VHL: variants seen among roughly 807,000 people sequenced by gnomAD.
VHL encodes the protein von Hippel-Lindau tumor suppressor.
In VHL, 10 loss-of-function variants were observed where a neutral mutation model predicts 19.2. The ratio of observed to expected loss-of-function variants is 0.52; its 90% CI spans 0.32 to 0.89. VHL has a LOEUF of 0.89. Ranked by LOEUF, VHL falls within the 40% of genes least tolerant of loss-of-function variation. The pLI is 0.03. For synonymous variants in VHL, 167 were observed against 129.5 expected (o/e 1.29, Z -1.97); for missense variants, 328 against 292.7 (o/e 1.12, Z -0.88).
chr3:10,149,895 A>G lies in VHL; in HGVS notation c.572A>G (p.His191Arg), dbSNP rs370050374. ...VRSLYEDLED[H>R]PNVQKDLERL... ...TCGCTCTACGAAGATCTGGAAGACC[A>G]CCCAAATGTGCAGAAAGACCTGGAG... Residue 191 changes from histidine to arginine, a missense_variant, in exon 3 of 3, where the codon CAC becomes CGC. Transcript: ENST00000256474. 17 of 1,614,194 alleles carry G rather than the reference A, an allele frequency of 1.1e-5. No individual in the cohort carries two copies. In the Admixed American group the frequency reaches 2.8e-4, roughly 27 times the overall value.
In VHL at chr3:10,150,367, G is replaced by A; in HGVS notation, c.*402G>A. 1 of 1,222,976 alleles carries A rather than the reference G, an allele frequency of 8.2e-7. No individual in the cohort carries two copies. Among genetic ancestry groups the A allele is most frequent in the East Asian group, 3.8e-5 (1 of 26,500 alleles). The allele number at this position is 1,222,976 out of a possible 1,614,324, so 75.8% of individuals were successfully genotyped here. On this transcript the variant is annotated 3_prime_UTR_variant, in exon 3 of 3. Coordinates refer to ENST00000256474, the MANE Select transcript of VHL (RefSeq NM_000551.4). Reference sequence around the variant, plus strand: ...ATCCATTCTACATCCGTAGCGGTTGGTGACTTGTCTGCCTCCTGCTTTGGG... The same window carrying A: ...ATCCATTCTACATCCGTAGCGGTTGATGACTTGTCTGCCTCCTGCTTTGGG...
intron 1 of VHL, among the ~76,000 whole-genome samples, chr3:10,144,837 G>T (rs1207625332): frequency 2.6e-5 from 4 of 152,008 alleles, no homozygotes; most frequent in African/African-American, 9.7e-5. Flanking sequence ...GTATACATGT[G>T]CCATGTTGGT....
intron 2 of VHL, among the ~76,000 whole-genome samples, chr3:10,148,122 C>T (rs1350827252): frequency 6.6e-6 from 1 of 151,654 alleles, no homozygotes; most frequent in Middle Eastern, 3.4e-3. Flanking sequence ...AACTCAAAAA[C>T]CCCCCAAATA....
rs1192379474 is a variant in VHL, at chr3:10,141,838, C to A, written c.-10C>A. 1 of 1,536,230 alleles carries A rather than the reference C, an allele frequency of 6.5e-7. No homozygotes were observed. The highest frequency in any genetic ancestry group is 1.2e-5 in the South Asian group (1 of 82,750). On this transcript the variant is annotated 5_prime_UTR_variant, in exon 1 of 3. Coordinates refer to ENST00000256474, the MANE Select transcript of VHL (RefSeq NM_000551.4). ...GGCGTCCGGCCCGGGTGGTCTGGAT[C>A]GCGGAGGGAATGCCCCGGAGGGCGG... is the stretch of plus-strand genomic sequence containing the variant.
chr3:10,143,319 G>A (rs1252108129), intron 1 of VHL, among the ~76,000 whole-genome samples: 2 of 151,896 alleles, frequency 1.3e-5, no homozygotes, highest in African/African-American at 4.8e-5. Context: ...GTAGAGACGG[G>A]GGTTTCGTCA....
At chr3:10,146,826 T>C (rs554826167) in intron 2 of VHL, among the ~76,000 whole-genome samples, 190 bp downstream of exon 2, 1 of 152,312 alleles carries the variant, frequency 6.6e-6, no homozygotes, top group African/African-American at 2.4e-5. Flanking sequence ...AAAGGTGTTA[T>C]GGTGTCTCAA....
chr3:10,142,090 G>A lies in VHL; in HGVS notation c.243G>A (p.Pro81=), dbSNP rs758034030. The change falls in exon 1 of 3, where the codon CCG becomes CCA. Residue 81 remains proline, a synonymous_variant. Transcript: ENST00000256474. ...PSQVIFCNRS[P]RVVLPVWLNF... is the part of the protein sequence containing the mutation. Reference sequence around the variant, plus strand: ...AGGTCATCTTCTGCAATCGCAGTCCGCGCGTCGTGCTGCCCGTATGGCTCA... The same window carrying A: ...AGGTCATCTTCTGCAATCGCAGTCCACGCGTCGTGCTGCCCGTATGGCTCA... The A allele has an allele frequency of 2.5e-6, 4 of 1,604,786 alleles. No homozygotes were observed. The highest frequency in any genetic ancestry group is 2.5e-6 in the Non-Finnish European group (3 of 1,179,662).
Position 10,151,718 on chromosome 3 carries a change from G to T in VHL, c.*1753G>T, listed in dbSNP as rs954509014. The T allele has an allele frequency of 4.8e-6, 1 of 207,528 alleles. No homozygotes were observed. The highest frequency in any genetic ancestry group is 9.8e-6 in the Non-Finnish European group (1 of 102,036). The allele number at this position is 207,528 out of a possible 1,614,324, so 12.9% of individuals were successfully genotyped here. Reference sequence around the variant, plus strand: ...AATTAATGTTTGTGGGTATTTCTTGGCATGCATCTTTAATTCCTTATCCTA... The same window carrying T: ...AATTAATGTTTGTGGGTATTTCTTGTCATGCATCTTTAATTCCTTATCCTA... On this transcript the variant is annotated 3_prime_UTR_variant, in exon 3 of 3. Transcript: ENST00000256474.
chr3:10,149,905 G>A lies in VHL; in HGVS notation c.582G>A (p.Val194=), dbSNP rs1696363804. The stretch of plus-strand genomic sequence containing the variant: ...AAGATCTGGAAGACCACCCAAATGT[G>A]CAGAAAGACCTGGAGCGGCTGACAC... ...LYEDLEDHPN[V]QKDLERLTQE... is the part of the protein sequence containing the mutation. Residue 194 remains valine, a synonymous_variant, in exon 3 of 3, where the codon GTG becomes GTA. Coordinates refer to ENST00000256474, the MANE Select transcript of VHL (RefSeq NM_000551.4). The A allele has an allele frequency of 6.2e-7, 1 of 1,614,104 alleles. No homozygotes were observed. Among genetic ancestry groups the A allele is most frequent in the African/African-American group, 1.3e-5 (1 of 74,944 alleles).
In VHL at chr3:10,146,706, T is replaced by C. The variant is rs1420526180; in HGVS notation, c.463+70T>C. 9 of 1,601,010 alleles carry C rather than the reference T, an allele frequency of 5.6e-6. No homozygotes were observed. In the East Asian group the frequency reaches 1.8e-4, roughly 32 times the overall value. On this transcript the variant is annotated intron_variant, in intron 2 of 2. Transcript: ENST00000256474. ...GTACAGGATAGACCACTTGAAAAAT[T>C]AAGCCCAGTTCTCAATTTTTGCCTG...
intron 1 of VHL, chr3:10,142,617 T>TA (rs1378475897): frequency 2.0e-5 from 4 of 198,530 alleles, no homozygotes; most frequent in African/African-American, 9.5e-5. Context: ...GTGCTGGGCT[T>TA]ATGGGCATGA....
At position 10,141,854 on chromosome 3, in the gene VHL, C is replaced by A; in HGVS notation, c.7C>A (p.Arg3=). 6.5e-7 allele frequency: 1 copy of A among 1,535,372 alleles called. No individual in the cohort carries two copies. Among genetic ancestry groups the A allele is most frequent in the Non-Finnish European group, 8.8e-7 (1 of 1,139,648 alleles). ...GGTCTGGATCGCGGAGGGAATGCCC[C>A]GGAGGGCGGAGAACTGGGACGAGGC... MP[R]RAENWDEAEV... Residue 3 remains arginine (R), a synonymous_variant, in exon 1 of 3, where the codon CGG becomes AGG. Coordinates refer to ENST00000256474, the MANE Select transcript of VHL (RefSeq NM_000551.4).
At chr3:10,149,527 G>A (rs956774124) in intron 2 of VHL, among the ~76,000 whole-genome samples, 16 of 152,138 alleles carry the variant, frequency 1.1e-4, no homozygotes, top group Non-Finnish European at 1.9e-4. Flanking sequence ...TGCCAGTGTC[G>A]CTTCATCCAC....
rs558788270 is a variant in VHL at position 10,141,819 on chromosome 3, C to A, written c.-29C>A. The A allele has an allele frequency of 7.8e-6, 12 of 1,535,380 alleles. No individual in the cohort carries two copies. The highest frequency in any genetic ancestry group is 4.6e-4 in the Middle Eastern group (2 of 4,316). On this transcript the variant is annotated 5_prime_UTR_variant, in exon 1 of 3. Transcript: ENST00000256474. Reference sequence around the variant, plus strand: ...TCCGACCCGCGGATCCCGCGGCGTCCGGCCCGGGTGGTCTGGATCGCGGAG... The same window carrying A: ...TCCGACCCGCGGATCCCGCGGCGTCAGGCCCGGGTGGTCTGGATCGCGGAG...
chr3:10,150,446 A>C lies in VHL; in HGVS notation c.*481A>C. 1.1e-6 allele frequency: 1 copy of C among 895,252 alleles called. No homozygotes were observed. The highest frequency in any genetic ancestry group is 1.7e-5 in the African/African-American group (1 of 58,548). 55.5% of individuals were successfully genotyped at this position (895,252 alleles called of 1,614,324 possible). A position where few individuals can be genotyped will look rare whatever the true frequency, so the allele number is the denominator to read the frequency against. On this transcript the variant is annotated 3_prime_UTR_variant, in exon 3 of 3. Transcript: ENST00000256474. ...AAGTCTTTCTCCTCTTTGAGACCCCAGTGCCTGCACATCATGAGCCTTCAG... is the reference window on the plus strand; with the variant it reads ...AAGTCTTTCTCCTCTTTGAGACCCCCGTGCCTGCACATCATGAGCCTTCAG...
At chr3:10,143,414 C>G (rs183378634) in intron 1 of VHL, among the ~76,000 whole-genome samples, 5 of 152,080 alleles carry the variant, frequency 3.3e-5, no homozygotes, top group Admixed American at 3.3e-4. Context: ...CAGGTGTAAG[C>G]CACTGCGCCC....
intron 1 of VHL, among the ~76,000 whole-genome samples, chr3:10,144,312 A>G (rs1696200682): frequency 6.6e-6 from 1 of 151,116 alleles, no homozygotes; most frequent in African/African-American, 2.4e-5. Flanking sequence ...ATTTAAAAAA[A>G]AAAAAAATTC....
chr3:10,147,247 T>A (rs1187510205), intron 2 of VHL, among the ~76,000 whole-genome samples: 1 of 152,016 alleles, frequency 6.6e-6, no homozygotes, highest in Non-Finnish European at 1.5e-5. Context: ...CCTGACCTCA[T>A]GATCTGCCCG....
chr3:10,153,406 G>A lies in VHL; in HGVS notation c.*3441G>A, dbSNP rs1379980536. On this transcript the variant is annotated 3_prime_UTR_variant, in exon 3 of 3. Coordinates refer to ENST00000256474, the MANE Select transcript of VHL (RefSeq NM_000551.4). ...ATCACACCATTGCACTCCAGCCTGG[G>A]CAACAAGAGTGAAATTCCATCTCAA... Among the ~76,000 whole-genome samples, 1 of 151,730 alleles carries A rather than the reference G, an allele frequency of 6.6e-6. No individual in the cohort carries two copies. Among genetic ancestry groups the A allele is most frequent in the Non-Finnish European group, 1.5e-5 (1 of 67,970 alleles).
Sources: gnomAD v4.1 joint callset for allele counts (sites outside exome capture counted in the v4.1 genomes callset) on GRCh38, gnomAD v4.1.1 for gene constraint, MANE v1.5 for transcripts, NCBI Gene and HGNC (gene_info 2026-07-23, HGNC 2026-07-21) for gene names.